Variants in SMIM23 observed in about 807,000 individuals in gnomAD.
The protein encoded by SMIM23 is CTB-78H18.1.
In SMIM23, 10 loss-of-function variants were observed where a neutral mutation model predicts 12.8. That is an observed-to-expected ratio of 0.78 (90% CI 0.48 to 1.32). The LOEUF is 1.32. Among genes scored for constraint, SMIM23 ranks in the 40% most tolerant of loss-of-function variants. The probability of loss-of-function intolerance (pLI) is 0.00; values close to 1 mark genes in which losing one functional copy is unlikely to be tolerated. For synonymous variants in SMIM23, 78 were observed against 80.1 expected, an observed-to-expected ratio of 0.97 and a Z score of 0.14; for missense variants, 184 against 198.2, an observed-to-expected ratio of 0.93 and a Z score of 0.43.
the SMIM23 span, among the ~76,000 whole-genome samples, chr5:171,773,312 G>C: frequency 6.6e-6 from 1 of 151,666 alleles, no homozygotes; most frequent in Non-Finnish European, 1.5e-5. Context: ...TGCACAGCAA[G>C]GGCTGGATAA....
the SMIM23 span, chr5:171,774,223 C>T: frequency 3.6e-5 from 13 of 361,128 alleles, no homozygotes; most frequent in South Asian, 2.5e-4. Flanking sequence ...GAGCAGGGAT[C>T]GATGGCATGC....
chr5:171,790,485 G>A lies in SMIM23; in HGVS notation c.161G>A (p.Ser54Asn). The A allele has an allele frequency of 6.5e-7, 1 of 1,536,770 alleles. No homozygotes were observed. The highest frequency in any genetic ancestry group is 8.7e-7 in the Non-Finnish European group (1 of 1,147,050). Residue 54 changes from serine (S) to asparagine (N), a missense_variant, in exon 3 of 4, where the codon AGC becomes AAC. Physicochemically the swap from Ser to Asn is conservative, Grantham distance 46. Coordinates refer to ENST00000523047, the MANE Select transcript of SMIM23 (RefSeq NM_001289970.2). ...GTGATGTTTGTGCCTGTTTCAGGAA[G>A]CAGTTGGGAGGTGTCAGAAAGGATC... The part of the protein sequence containing the change: ...VLYLSTEIWG[S>N]SWEVSERIRE...
upstream of SMIM23, chr5:171,782,561 C>T (rs1755747298): frequency 1.3e-5 from 2 of 152,146 alleles, no homozygotes; most frequent in Non-Finnish European, 2.9e-5. Flanking sequence ...TTCATGACAC[C>T]CACTAATTCC....
intron 1 of SMIM23, among the ~76,000 whole-genome samples, chr5:171,786,720 T>G (rs999069982): frequency 6.6e-6 from 1 of 152,196 alleles, no homozygotes; most frequent in Non-Finnish European, 1.5e-5. Flanking sequence ...TTCTATATGC[T>G]GGACCTTGTA....
At chr5:171,773,862 A>C in the SMIM23 span, 1 of 456,380 alleles carries the variant, frequency 2.2e-6, no homozygotes, top group Middle Eastern at 3.3e-4. Context: ...TTATTTTAAA[A>C]AATTAAACAT....
chr5:171,790,245 C>T lies in SMIM23; in HGVS notation c.121C>T (p.Leu41=). The T allele has an allele frequency of 1.3e-6, 2 of 1,536,154 alleles. No homozygotes were observed. Among genetic ancestry groups the T allele is most frequent in the East Asian group, 4.9e-5 (2 of 40,914 alleles). Residue 41 remains leucine (L), a synonymous_variant, in exon 2 of 4, where the codon CTG becomes TTG. Coordinates refer to ENST00000523047, the MANE Select transcript of SMIM23 (RefSeq NM_001289970.2). ...DDEKQTLLAL[L]ILVLYLSTEI... is the part of the protein sequence containing the mutation. ...TGCACCCTAGACGCTGTTGGCATTG[C>T]TGATCTTGGTGCTGTACTTGAGCAC...
chr5:171,773,891 G>C, the SMIM23 span: 1 of 454,424 alleles, frequency 2.2e-6, no homozygotes, highest in Non-Finnish European at 4.4e-6. Context: ...AGTCCAGATG[G>C]ATAAAGAGAC....
At position 171,790,923 on chromosome 5, in the gene SMIM23, G is replaced by GTT. The variant is rs1561592591; in HGVS notation, c.355_356insTT (p.Trp119PhefsTer46). 1 of 1,536,178 alleles carries GTT rather than the reference G, an allele frequency of 6.5e-7. No individual in the cohort carries two copies. The highest frequency in any genetic ancestry group is 8.7e-7 in the Non-Finnish European group (1 of 1,146,926). On this transcript the variant is annotated frameshift_variant, in exon 4 of 4. Coordinates refer to ENST00000523047, the MANE Select transcript of SMIM23 (RefSeq NM_001289970.2). LOFTEE classifies it low-confidence loss of function (END_TRUNC). ...AGGTGCAGCAGCTGGAGCAGCTAGC[G>GTT]TGGGACCTGGAACTGTGGCTGGATG...
chr5:171,781,168 G>C (rs868192863), upstream of SMIM23, among the ~76,000 whole-genome samples: 4 of 152,126 alleles, frequency 2.6e-5, no homozygotes, highest in African/African-American at 2.4e-5. Context: ...AGAAGTCCTC[G>C]GTAAGGTTTT....
At chr5:171,774,288 C>G in the SMIM23 span, 1 of 394,792 alleles carries the variant, frequency 2.5e-6, no homozygotes, top group South Asian at 1.9e-5. Context: ...ATGCTTGCTC[C>G]ACCTTGACAT....
chr5:171,775,651 C>A, the SMIM23 span, among the ~76,000 whole-genome samples: 5 of 152,226 alleles, frequency 3.3e-5, no homozygotes, highest in African/African-American at 1.2e-4. Context: ...TGTCCCTTAG[C>A]CTCAGTTTTC....
the SMIM23 span, among the ~76,000 whole-genome samples, chr5:171,775,472 A>T: frequency 6.6e-6 from 1 of 152,140 alleles, no homozygotes; most frequent in Non-Finnish European, 1.5e-5. Flanking sequence ...AAATGAAAAC[A>T]CAGTGGTCCT....
At chr5:171,778,447 TCACACACACACACACACACACACA>T (rs4041455), upstream of SMIM23, among the ~76,000 whole-genome samples, 4 of 141,644 alleles carry the variant, frequency 2.8e-5, no homozygotes, top group South Asian at 4.7e-4. Context: ...TGGGAAAATT[TCACACACACACACACACACACACA>T]CACACACACA....
chr5:171,780,303 C>T (rs1446538042), upstream of SMIM23, among the ~76,000 whole-genome samples: 1 of 152,152 alleles, frequency 6.6e-6, no homozygotes, highest in African/African-American at 2.4e-5. Flanking sequence ...CTTTCTCATC[C>T]TCTCCCTCTT....
chr5:171,773,321 A>G, the SMIM23 span, among the ~76,000 whole-genome samples: 1 of 151,400 alleles, frequency 6.6e-6, no homozygotes, highest in East Asian at 1.9e-4. Context: ...AGGGCTGGAT[A>G]AACACCAGTC....
At position 171,790,812 on chromosome 5, in the gene SMIM23, C is replaced by CA. The variant is rs1464657662; in HGVS notation, c.245dup (p.Asn82LysfsTer61). 1 of 1,536,086 alleles carries CA rather than the reference C, an allele frequency of 6.5e-7. No individual in the cohort carries two copies. Among genetic ancestry groups the CA allele is most frequent in the Non-Finnish European group, 8.7e-7 (1 of 1,146,904 alleles). On this transcript the variant is annotated frameshift_variant, in exon 4 of 4. Transcript: ENST00000523047. LOFTEE classifies it low-confidence loss of function (END_TRUNC). The stretch of plus-strand genomic sequence containing the variant: ...CCTTCCAGGGGCTTGAATATCAGAC[C>CA]AACGAGCCCTCAGAAGAACCGATAA...
chr5:171,790,279 G>A lies in SMIM23; in HGVS notation c.155G>A (p.Trp52Ter). The change falls in exon 2 of 4, where the codon TGG becomes TAG. Residue 52 changes from tryptophan to a stop codon, truncating the protein, a stop_gained and splice_region_variant. Coordinates refer to ENST00000523047, the MANE Select transcript of SMIM23 (RefSeq NM_001289970.2). LOFTEE classifies it high-confidence loss of function. ...ILVLYLSTEI[W>*]GSSWEVSERI... ...GTGCTGTACTTGAGCACAGAGATAT[G>A]GGGTGAGCATTCTGGAATCTGAGAA... The A allele has an allele frequency of 6.5e-7, 1 of 1,536,070 alleles. No homozygotes were observed.
intron 1 of SMIM23, among the ~76,000 whole-genome samples, chr5:171,786,728 G>A (rs980518970): frequency 6.6e-6 from 1 of 152,140 alleles, no homozygotes; most frequent in Non-Finnish European, 1.5e-5. Context: ...GCTGGACCTT[G>A]TAGCGTATAA....
At position 171,790,986 on chromosome 5, in the gene SMIM23, C is replaced by T. The variant is rs1207428404; in HGVS notation, c.417C>T (p.Ser139=). 6.5e-7 allele frequency: 1 copy of T among 1,535,754 alleles called. No individual in the cohort carries two copies. ...AGCCACACCAGGAGGAGCACTGCTC[C>T]ACATATAAAAGTCACTTGTGGGAGT... The part of the protein sequence containing the change: ...LGEPHQEEHC[S]TYKSHLWEWA... Residue 139 remains serine (S), a synonymous_variant, in exon 4 of 4, where the codon TCC becomes TCT. Coordinates refer to ENST00000523047, the MANE Select transcript of SMIM23 (RefSeq NM_001289970.2).
Sources: gnomAD v4.1 joint callset for allele counts (sites outside exome capture counted in the v4.1 genomes callset) on GRCh38, gnomAD v4.1.1 for gene constraint, MANE v1.5 for transcripts, NCBI Gene and HGNC (gene_info 2026-07-23, HGNC 2026-07-21) for gene names.